The following CCDC7 variants were observed in gnomAD, a reference collection of about 807,000 sequenced individuals.
CCDC7 encodes coiled-coil domain containing 7, also known as coiled-coil domain-containing protein 7.
CCDC7 carries 183 observed loss-of-function variants against 196.9 expected under a neutral mutation model. The ratio of observed to expected loss-of-function variants is 0.93; its 90% CI spans 0.82 to 1.05. The LOEUF is 1.05. Among genes scored for constraint, CCDC7 ranks in the 50% least tolerant of loss-of-function variants. CCDC7 has a pLI of 0.00. For missense variants in CCDC7, 1,540 were observed against 1,482.2 expected (o/e 1.04, Z -0.64); for synonymous variants, 525 against 484.6 (o/e 1.08, Z -1.10).
chr10:32,763,559 A>G (rs1341588778), intron 28 of CCDC7, among the ~76,000 whole-genome samples: 1 of 151,980 alleles, frequency 6.6e-6, no homozygotes, highest in African/African-American at 2.4e-5. Context: ...TACTCACAAT[A>G]ACCAAGATAT....
chr10:32,696,834 C>G (rs1035931498), intron 24 of CCDC7, among the ~76,000 whole-genome samples: 1 of 152,260 alleles, frequency 6.6e-6, no homozygotes, highest in Non-Finnish European at 1.5e-5. Flanking sequence ...GCAGTTGCTT[C>G]TTCCATGCTG....
intron 9 of CCDC7, among the ~76,000 whole-genome samples, chr10:32,506,946 A>T (rs1389703649): frequency 6.6e-6 from 1 of 152,164 alleles, no homozygotes; most frequent in African/African-American, 2.4e-5. Flanking sequence ...CTCTCTTCTT[A>T]TATAAGTATA....
intron 29 of CCDC7, among the ~76,000 whole-genome samples, chr10:32,803,094 T>G (rs890754464): frequency 2.6e-5 from 4 of 152,242 alleles, no homozygotes; most frequent in Admixed American, 2.6e-4. Flanking sequence ...TGATTTTGAC[T>G]TTTTAATATT....
At chr10:32,662,171 G>C (rs2071614302) in intron 20 of CCDC7, among the ~76,000 whole-genome samples, 1 of 152,144 alleles carries the variant, frequency 6.6e-6, no homozygotes, top group African/African-American at 2.4e-5. Context: ...TCACTGCACT[G>C]TTTCTCTCAA....
chr10:32,459,851 A>G (rs1172110974), intron 3 of CCDC7, among the ~76,000 whole-genome samples: 8 of 152,070 alleles, frequency 5.3e-5, no homozygotes, highest in African/African-American at 1.9e-4. Flanking sequence ...TTATGCAGCT[A>G]TATCAATTAT....
intron 5 of CCDC7, among the ~76,000 whole-genome samples, chr10:32,469,748 G>T (rs1354490975): frequency 6.6e-6 from 1 of 152,106 alleles, no homozygotes; most frequent in East Asian, 1.9e-4. Flanking sequence ...TTTTCTGGGG[G>T]TGAGTACTAT....
At chr10:32,540,010 G>A (rs2051142618) in intron 11 of CCDC7, among the ~76,000 whole-genome samples, 1 of 152,082 alleles carries the variant, frequency 6.6e-6, no homozygotes, top group Non-Finnish European at 1.5e-5. Context: ...GACTTGTGTA[G>A]TGTCTATTTG....
At chr10:32,446,279 C>T (rs769891656) in exon 1 of CCDC7, 2 of 152,268 alleles carry the variant, frequency 1.3e-5, no homozygotes, top group African/African-American at 2.4e-5. Context: ...TTTCAGGCTT[C>T]CGTCTCGAAG....
chr10:32,686,784 T>C (rs1466343615), intron 22 of CCDC7, among the ~76,000 whole-genome samples: 1 of 152,198 alleles, frequency 6.6e-6, no homozygotes, highest in Non-Finnish European at 1.5e-5. Context: ...CTTTGTACTT[T>C]TTATGTATTA....
At chr10:32,662,534 T>G (rs1335993) in intron 20 of CCDC7, among the ~76,000 whole-genome samples, 21,067 of 150,250 alleles carry the variant, frequency 0.14, 1,767 homozygotes, top group East Asian at 0.25. Flanking sequence ...CCATGACTAT[T>G]AAATGATGAT....
chr10:32,818,984 A>G (rs1474764637), intron 31 of CCDC7, among the ~76,000 whole-genome samples: 1 of 152,238 alleles, frequency 6.6e-6, no homozygotes, highest in African/African-American at 2.4e-5. Flanking sequence ...TGAAGGAAAT[A>G]GAGACATAAA....
chr10:32,671,911 A>T (rs2074131290), intron 21 of CCDC7, among the ~76,000 whole-genome samples: 1 of 152,156 alleles, frequency 6.6e-6, no homozygotes, highest in Non-Finnish European at 1.5e-5. Flanking sequence ...ATTGTGGCAA[A>T]GGTTATTGGG....
intron 31 of CCDC7, among the ~76,000 whole-genome samples, chr10:32,820,628 A>G (rs1164129558): frequency 6.6e-6 from 1 of 152,194 alleles, no homozygotes; most frequent in Non-Finnish European, 1.5e-5. Context: ...ATATAGACCA[A>G]TGGAACAGGA....
At chr10:32,681,345 G>A (rs1422267300) in intron 21 of CCDC7, among the ~76,000 whole-genome samples, 4 of 152,048 alleles carry the variant, frequency 2.6e-5, no homozygotes, top group Non-Finnish European at 5.9e-5. Flanking sequence ...TTTCTTTAAG[G>A]ATTTCCTCTA....
intron 21 of CCDC7, among the ~76,000 whole-genome samples, chr10:32,679,690 C>G (rs1025545213): frequency 1.3e-5 from 2 of 152,146 alleles, no homozygotes; most frequent in Admixed American, 1.3e-4. Flanking sequence ...GAATTATCAT[C>G]TGTGCATCAA....
chr10:32,688,881 AC>A (rs1434568529), intron 22 of CCDC7, among the ~76,000 whole-genome samples, 171 bp from the exon 24 acceptor site: 2 of 152,204 alleles, frequency 1.3e-5, no homozygotes, highest in Admixed American at 6.5e-5. Flanking sequence ...TTCAACACAC[AC>A]CCATTGAAAC....
At chr10:32,706,950 A>C (rs1415520545) in intron 24 of CCDC7, among the ~76,000 whole-genome samples, 3 of 152,236 alleles carry the variant, frequency 2.0e-5, no homozygotes, top group African/African-American at 7.2e-5. Flanking sequence ...AAAAGAGGGA[A>C]TCCTCCCCAA....
chr10:32,479,171 A>G (rs1473068591), intron 8 of CCDC7, among the ~76,000 whole-genome samples: 1 of 152,140 alleles, frequency 6.6e-6, no homozygotes, highest in Non-Finnish European at 1.5e-5. Context: ...GCAAATAGAA[A>G]TAATTTTATT....
intron 20 of CCDC7, among the ~76,000 whole-genome samples, chr10:32,652,525 G>C (rs2068960288): frequency 6.6e-6 from 1 of 151,978 alleles, no homozygotes; most frequent in Admixed American, 6.6e-5. Context: ...GTTTTTCTCT[G>C]ATGGTATGTT....
Sources: allele counts gnomAD v4.1 joint callset (sites outside exome capture counted in the v4.1 genomes callset), GRCh38; gene constraint gnomAD v4.1.1; transcripts MANE v1.5; gene names NCBI Gene and HGNC (gene_info 2026-07-23, HGNC 2026-07-21).